PURG: variants seen among roughly 807,000 people sequenced by gnomAD.
PURG encodes the protein purine-rich element-binding protein gamma.
PURG carries 3 observed loss-of-function variants against 24.3 expected under a neutral mutation model. That is an observed-to-expected ratio of 0.12 (90% confidence interval 0.06 to 0.32). The LOEUF (loss-of-function observed/expected upper bound fraction) is 0.32, where lower values mean the gene tolerates loss of function less well. PURG is among the 10% of genes least tolerant of loss of function. The pLI is 1.00. For synonymous variants in PURG, 180 were observed against 173.1 expected, an observed-to-expected ratio of 1.04 and a Z score of -0.31; for missense variants, 371 against 439.1, an observed-to-expected ratio of 0.84 and a Z score of 1.39.
intron 1 of PURG, among the ~76,000 whole-genome samples, chr8:31,005,220 C>T (rs1301664247): frequency 6.6e-6 from 1 of 151,958 alleles, no homozygotes; most frequent in Non-Finnish European, 1.5e-5. Context: ...ATCACCTGAT[C>T]TCAGGAGTTT....
At chr8:31,013,725 G>A (rs1003602915) in intron 1 of PURG, among the ~76,000 whole-genome samples, 3 of 152,158 alleles carry the variant, frequency 2.0e-5, no homozygotes, top group Non-Finnish European at 4.4e-5. Flanking sequence ...CAACAAGAGC[G>A]AAACTGTCTC....
At chr8:31,023,665 A>G (rs557230896) in intron 1 of PURG, among the ~76,000 whole-genome samples, 3 of 152,288 alleles carry the variant, frequency 2.0e-5, no homozygotes, top group African/African-American at 7.2e-5. Context: ...AAGGCTAAAA[A>G]AAACCCCCAA....
intron 1 of PURG, among the ~76,000 whole-genome samples, chr8:31,001,946 T>G (rs1328638390): frequency 1.3e-5 from 2 of 152,218 alleles, no homozygotes; most frequent in Non-Finnish European, 2.9e-5. Context: ...TTACTACAAC[T>G]ACTTCTAAAA....
chr8:31,028,200 T>C (rs956801249), downstream of PURG, among the ~76,000 whole-genome samples: 2 of 151,836 alleles, frequency 1.3e-5, no homozygotes, highest in Non-Finnish European at 3.0e-5. Context: ...TTATTCTAGT[T>C]CTTAAGACAT....
In PURG at chr8:31,017,855, C is replaced by A. The variant is rs557694266; in HGVS notation, c.864+14064G>T. On this transcript the variant is annotated intron_variant, in intron 1 of 1. Coordinates refer to the PURG transcript ENST00000339382. ...ATGGAGAAAGATATTATAGATGTTT[C>A]GACTTTTAAACAGAATTTAATGTGA... 2.9e-4 allele frequency among the ~76,000 whole-genome samples: 44 copies of A among 152,138 alleles called. 1 individual carries two copies. In the South Asian group the frequency reaches 9.1e-3, roughly 32 times the overall value.
At chr8:31,009,794 T>A (rs540642102) in intron 1 of PURG, among the ~76,000 whole-genome samples, 22 of 152,352 alleles carry the variant, frequency 1.4e-4, no homozygotes, top group African/African-American at 4.6e-4. Context: ...TTGAGTTGAT[T>A]TCATAAAACC....
chr8:31,025,349 T>C (rs1811070939), intron 1 of PURG, among the ~76,000 whole-genome samples: 3 of 152,068 alleles, frequency 2.0e-5, no homozygotes, highest in Admixed American at 2.0e-4. Context: ...GGAGCAAACT[T>C]TTATGCTTTT....
At chr8:31,026,374 G>C (rs1811089005), downstream of PURG, among the ~76,000 whole-genome samples, 2 of 151,654 alleles carry the variant, frequency 1.3e-5, no homozygotes, top group Admixed American at 1.3e-4. Context: ...AGAGAGAAAG[G>C]AAACTAGTAG....
intron 1 of PURG, among the ~76,000 whole-genome samples, chr8:31,003,571 G>A (rs1044281387): frequency 6.6e-6 from 1 of 152,062 alleles, no homozygotes; most frequent in Non-Finnish European, 1.5e-5. Context: ...AGACCAGCCT[G>A]GCCAACATGG....
intron 1 of PURG, among the ~76,000 whole-genome samples, chr8:30,998,001 CA>C (rs1810462479): frequency 6.6e-6 from 1 of 151,686 alleles, no homozygotes; most frequent in Non-Finnish European, 1.5e-5. Context: ...TCAACTAAAA[CA>C]AAATTGAATT....
downstream of PURG, among the ~76,000 whole-genome samples, chr8:31,029,923 C>T (rs769174443): frequency 1.4e-4 from 21 of 151,882 alleles, no homozygotes; most frequent in Non-Finnish European, 2.7e-4. Context: ...TATCTCCTAA[C>T]CTTCAGTTGT....
chr8:30,998,427 A>C (rs1810471460), intron 1 of PURG, among the ~76,000 whole-genome samples: 1 of 151,752 alleles, frequency 6.6e-6, no homozygotes. Context: ...AAGGTAATAA[A>C]GTGCCTTCTT....
downstream of PURG, among the ~76,000 whole-genome samples, chr8:31,027,284 C>G (rs564184917): frequency 6.6e-6 from 1 of 151,816 alleles, no homozygotes; most frequent in East Asian, 1.9e-4. Flanking sequence ...TTAGTAAAGA[C>G]AGACTTCAAA....
At position 31,033,197 on chromosome 8, in the gene PURG, C is replaced by T. The variant is rs1197686891; in HGVS notation, c.-126G>A. 1 of 201,160 alleles carries T rather than the reference C, an allele frequency of 5.0e-6. No individual in the cohort carries two copies. Among genetic ancestry groups the T allele is most frequent in the Non-Finnish European group, 9.9e-6 (1 of 100,978 alleles). The allele number at this position is 201,160 out of a possible 1,614,324, so 12.5% of individuals were successfully genotyped here. ...CGCCGCCCCCCGCCTCCTCCCCCGC[C>T]GCCGCCGCTCGCACTGCCCCCCGCC... On this transcript the variant is annotated 5_prime_UTR_variant, in exon 1 of 2. Transcript: ENST00000523392.
downstream of PURG, among the ~76,000 whole-genome samples, chr8:31,026,661 T>TATAC (rs1554513482): frequency 1.4e-5 from 2 of 144,506 alleles, no homozygotes; most frequent in Admixed American, 7.0e-5. Flanking sequence ...TATATATATA[T>TATAC]ACATACACAT....
rs1392714553 is a variant in PURG, at chr8:31,016,578, AACC to A, written c.864+15338_864+15340del. On this transcript the variant is annotated intron_variant, in intron 1 of 1. Coordinates refer to the PURG transcript ENST00000339382. ...GAAGAAAGAATGCAAGTCTACCAAG[AACC>A]AAAAAAAAAAAAAAAAAAAAAAAAA... Among the ~76,000 whole-genome samples, 6 of 41,464 alleles carry A rather than the reference AACC, an allele frequency of 1.4e-4. 2 individuals carry two copies. The highest frequency in any genetic ancestry group is 2.2e-4 in the Non-Finnish European group (5 of 22,324). 27.2% of individuals were successfully genotyped at this position (41,464 alleles called of 152,430 possible).
At chr8:31,018,757 T>C (rs1210112195) in intron 1 of PURG, among the ~76,000 whole-genome samples, 1 of 152,130 alleles carries the variant, frequency 6.6e-6, no homozygotes, top group Admixed American at 6.6e-5. Flanking sequence ...CTTGCAGAAC[T>C]GCCAAATGTC....
rs757560994 is a variant in PURG at position 31,032,482 on chromosome 8, T to C, written c.301A>G (p.Arg101Gly). The change falls in exon 2 of 2, where the codon AGA (arginine) becomes GGA (glycine). Residue 101 changes from arginine to glycine, a missense_variant. Physicochemically the swap from Arg to Gly is moderately radical, Grantham distance 125 (BLOSUM62 -2). This residue lies in a region of PURG where 213 missense variants were observed against 230.6 expected (regional missense o/e 0.92). Coordinates refer to ENST00000523392, the MANE Select transcript of PURG (RefSeq NM_001323311.2). The surrounding 1 kb of genome is among the most constrained non-coding windows in gnomAD (Gnocchi z 5.9). ...WIGRGRQDNIRKSKLTLSLSV... is the reference protein window; with the variant it reads ...WIGRGRQDNIGKSKLTLSLSV... ...AGGGAGAGGGTCAGTTTACTCTTTC[T>C]GATGTTGTCCTGCCGGCCTCTCCCT... 6.2e-7 allele frequency: 1 copy of C among 1,614,216 alleles called. No individual in the cohort carries two copies. The highest frequency in any genetic ancestry group is 1.1e-5 in the South Asian group (1 of 91,088).
intron 1 of PURG, among the ~76,000 whole-genome samples, chr8:31,015,472 TA>T (rs987097443): frequency 4.0e-5 from 6 of 149,174 alleles, no homozygotes; most frequent in Non-Finnish European, 6.0e-5. Flanking sequence ...ATATATATTT[TA>T]AAAAAAAAAG....
Sources: gnomAD v4.1 joint callset for allele counts (sites outside exome capture counted in the v4.1 genomes callset) on GRCh38, gnomAD v4.1.1 for gene constraint, gnomAD v4.1.1 regional missense constraint, Gnocchi (gnomAD v3.1) non-coding constraint, MANE v1.5 for transcripts, NCBI Gene and HGNC (gene_info 2026-07-23, HGNC 2026-07-21) for gene names.